Variants in SLC30A4 observed in about 807,000 individuals in gnomAD.
The protein encoded by SLC30A4 is probable proton-coupled zinc antiporter SLC30A4.
Under a neutral mutation model 41.7 loss-of-function variants are expected in SLC30A4, and 20 were observed. The observed-to-expected ratio is 0.48, with a 90% CI of 0.34 to 0.70. SLC30A4 has a LOEUF of 0.70. Among genes scored for constraint, SLC30A4 ranks in the 30% least tolerant of loss-of-function variants. SLC30A4 has a pLI of 0.01. For synonymous variants in SLC30A4, 181 were observed against 195.9 expected, an observed-to-expected ratio of 0.92 and a Z score of 0.64; for missense variants, 441 against 529.3, an observed-to-expected ratio of 0.83 and a Z score of 1.64.
rs921729500 is a variant in SLC30A4, at chr15:45,496,879, T to A, written c.539-5998A>T. ...TAAATAAATAAATAAATAAATAAAA[T>A]AAATAGGTGTGGTAGCACATGCCTA... is the stretch of plus-strand genomic sequence containing the variant. On this transcript the variant is annotated intron_variant, in intron 3 of 7. Transcript: ENST00000261867. 1.3e-3 allele frequency among the ~76,000 whole-genome samples: 177 copies of A among 132,420 alleles called. 2 individuals are homozygous for A. The highest frequency in any genetic ancestry group is 4.3e-3 in the African/African-American group (158 of 37,092). 86.9% of individuals were successfully genotyped at this position (132,420 alleles called of 152,430 possible). A position where few individuals can be genotyped will look rare whatever the true frequency, so the allele number is the denominator to read the frequency against.
At chr15:45,500,658 ATCTATATGTT>A (rs1892007764) in intron 3 of SLC30A4, among the ~76,000 whole-genome samples, 1 of 126,808 alleles carries the variant, frequency 7.9e-6, no homozygotes, top group Non-Finnish European at 1.7e-5. Flanking sequence ...CTATCTATCT[ATCTATATGTT>A]TTTGTTTTAT....
intron 3 of SLC30A4, among the ~76,000 whole-genome samples, chr15:45,504,083 C>T (rs1892099221): frequency 6.6e-6 from 1 of 152,158 alleles, no homozygotes; most frequent in Admixed American, 6.6e-5. Context: ...AAGTAATAGC[C>T]TCCAGAGTAA....
At position 45,500,487 on chromosome 15, in the gene SLC30A4, A is replaced by C. The variant is rs1270068185; in HGVS notation, c.539-9606T>G. ...GTAAGAACTAAAGCAAACAAATAGG[A>C]TCAGCCCCTCACTGAGATAAGGAAG... On this transcript the variant is annotated intron_variant, in intron 3 of 7. Transcript: ENST00000261867. Among the ~76,000 whole-genome samples, 3 of 152,282 alleles carry C rather than the reference A, an allele frequency of 2.0e-5. No homozygotes were observed. In the East Asian group the frequency reaches 5.8e-4, roughly 29 times the overall value.
rs562662799 is a variant in SLC30A4 at position 45,501,239 on chromosome 15, C to T, written c.538+9899G>A. The stretch of plus-strand genomic sequence containing the variant: ...AGGAGAATGGCGTGAACCTGGGAGG[C>T]GGAGCTTGCAGGGAGCCAAGATCGT... On this transcript the variant is annotated intron_variant, in intron 3 of 7. Coordinates refer to ENST00000261867, the MANE Select transcript of SLC30A4 (RefSeq NM_013309.6). 4.0e-5 allele frequency among the ~76,000 whole-genome samples: 6 copies of T among 151,610 alleles called. No individual in the cohort carries two copies. In the South Asian group the frequency reaches 6.3e-4, roughly 16 times the overall value.
chr15:45,521,361 GTAAT>G (rs1420409074), intron 2 of SLC30A4, among the ~76,000 whole-genome samples: 1 of 152,096 alleles, frequency 6.6e-6, no homozygotes, highest in Non-Finnish European at 1.5e-5. Context: ...ATGTTAGTTG[GTAAT>G]TAATTTTGCA....
chr15:45,489,680 T>G (rs1891774377), intron 4 of SLC30A4, among the ~76,000 whole-genome samples: 3 of 149,638 alleles, frequency 2.0e-5, no homozygotes, highest in Non-Finnish European at 3.0e-5. Context: ...AATGACGAGT[T>G]AATGGGTACA....
intron 3 of SLC30A4, among the ~76,000 whole-genome samples, chr15:45,493,043 G>T (rs561898279): frequency 5.9e-5 from 9 of 152,304 alleles, no homozygotes; most frequent in Admixed American, 5.9e-4. Flanking sequence ...AGACCAAGGC[G>T]GGCGGATCAC....
chr15:45,494,404 G>A (rs1891868534), intron 3 of SLC30A4, among the ~76,000 whole-genome samples: 1 of 152,178 alleles, frequency 6.6e-6, no homozygotes, highest in African/African-American at 2.4e-5. Flanking sequence ...CTGTAAAGAG[G>A]CTGGGTGCGG....
chr15:45,517,676 C>T (rs888160963), intron 2 of SLC30A4, among the ~76,000 whole-genome samples: 4 of 151,860 alleles, frequency 2.6e-5, no homozygotes, highest in Non-Finnish European at 4.4e-5. Flanking sequence ...TGGCCAGGCG[C>T]GGTGGCTCAC....
At chr15:45,508,232 TAAAA>T (rs1892200821) in intron 3 of SLC30A4, among the ~76,000 whole-genome samples, 1 of 152,192 alleles carries the variant, frequency 6.6e-6, no homozygotes, top group African/African-American at 2.4e-5. Context: ...TGAATTCTGG[TAAAA>T]GTAAGACTTA....
Position 45,511,137 on chromosome 15 carries a change from C to CCTA in SLC30A4, c.536_538dup (p.Leu179_Glu180insVal). On this transcript the variant is annotated inframe_insertion and splice_region_variant. Transcript: ENST00000261867. ...AAGCAAAAGAAACACCAACTACCTA[C>CCTA]CTAAGCGATGAAATCCAAAGGTGAA... 1 of 1,612,164 alleles carries CCTA rather than the reference C, an allele frequency of 6.2e-7. No individual in the cohort carries two copies. Among genetic ancestry groups the CCTA allele is most frequent in the Non-Finnish European group, 8.5e-7 (1 of 1,178,870 alleles).
chr15:45,511,644 C>T lies in SLC30A4; in HGVS notation c.392-360G>A, dbSNP rs186888742. Reference sequence around the variant, plus strand: ...GACTACAGGCACGTGCCACCACGCCCGGCTAATTTTTGTATTTTTAGTAGA... The same window carrying T: ...GACTACAGGCACGTGCCACCACGCCTGGCTAATTTTTGTATTTTTAGTAGA... On this transcript the variant is annotated intron_variant, in intron 2 of 7. Transcript: ENST00000261867. Among the ~76,000 whole-genome samples, 419 of 152,176 alleles carry T rather than the reference C, an allele frequency of 2.8e-3. 4 individuals carry two copies. Among genetic ancestry groups the T allele is most frequent in the African/African-American group, 9.7e-3 (402 of 41,532 alleles).
Position 45,481,451 on chromosome 15 carries a change from T to C in SLC30A4, c.*3712A>G, listed in dbSNP as rs775057853. On this transcript the variant is annotated 3_prime_UTR_variant, in exon 8 of 8. Transcript: ENST00000261867. ...CAGACCAAAAGGTTGCATCTGGCCA[T>C]AGTTGTGAAACACACGTTTATGTAC... 8 of 152,234 alleles carry C rather than the reference T, an allele frequency of 5.3e-5. No homozygotes were observed. Among genetic ancestry groups the C allele is most frequent in the South Asian group, 2.1e-4 (1 of 4,836 alleles). 9.4% of individuals were successfully genotyped at this position (152,234 alleles called of 1,614,324 possible).
At chr15:45,491,229 A>T (rs1891803956) in intron 3 of SLC30A4, among the ~76,000 whole-genome samples, 1 of 152,148 alleles carries the variant, frequency 6.6e-6, no homozygotes, top group Non-Finnish European at 1.5e-5. Flanking sequence ...CTTACAGAAA[A>T]AAAAAGTGGT....
At position 45,496,504 on chromosome 15, in the gene SLC30A4, A is replaced by G. The variant is rs137990256; in HGVS notation, c.539-5623T>C. ...TAAAAGAGACTCAGGAACTTTCACAATTAAAATTCTGGATTTCTGTGAAAG... is the reference window on the plus strand; with the variant it reads ...TAAAAGAGACTCAGGAACTTTCACAGTTAAAATTCTGGATTTCTGTGAAAG... On this transcript the variant is annotated intron_variant, in intron 3 of 7. Transcript: ENST00000261867. 7.4e-3 allele frequency among the ~76,000 whole-genome samples: 1,131 copies of G among 152,292 alleles called. 12 individuals carry two copies. Among genetic ancestry groups the G allele is most frequent in the Non-Finnish European group, 0.01 (712 of 68,034 alleles).
Position 45,485,058 on chromosome 15 carries a change from G to T in SLC30A4, c.*105C>A. On this transcript the variant is annotated 3_prime_UTR_variant, in exon 8 of 8. Coordinates refer to ENST00000261867, the MANE Select transcript of SLC30A4 (RefSeq NM_013309.6). ...GTTTGAGAGACTGATGCTTGATACG[G>T]ACACAGCTGTCAGGGATTCCATTTT... 1 of 827,436 alleles carries T rather than the reference G, an allele frequency of 1.2e-6. No homozygotes were observed. The highest frequency in any genetic ancestry group is 1.9e-6 in the Non-Finnish European group (1 of 524,138). The allele number at this position is 827,436 out of a possible 1,614,324, so 51.3% of individuals were successfully genotyped here. A position where few individuals can be genotyped will look rare whatever the true frequency, so the allele number is the denominator to read the frequency against.
intron 3 of SLC30A4, among the ~76,000 whole-genome samples, chr15:45,498,524 A>C (rs908904722): frequency 6.6e-6 from 1 of 152,152 alleles, no homozygotes; most frequent in Non-Finnish European, 1.5e-5. Flanking sequence ...CAGAATGGCA[A>C]GCTAAACTCC....
At chr15:45,486,809 C>T (rs1047375509) in intron 6 of SLC30A4, 64 bp from the exon 7 acceptor site, 3 of 916,686 alleles carry the variant, frequency 3.3e-6, no homozygotes, top group East Asian at 2.8e-5. Flanking sequence ...TTTACATTAC[C>T]GATGACATTT....
At chr15:45,487,967 G>C in intron 5 of SLC30A4, among the ~76,000 whole-genome samples, 1 of 117,878 alleles carries the variant, frequency 8.5e-6, no homozygotes, top group South Asian at 2.5e-4. Context: ...AAAAGTGTGT[G>C]TGTGTGTGTG....
Sources: gnomAD v4.1 joint callset for allele counts (sites outside exome capture counted in the v4.1 genomes callset) on GRCh38, gnomAD v4.1.1 for gene constraint, MANE v1.5 for transcripts, NCBI Gene and HGNC (gene_info 2026-07-23, HGNC 2026-07-21) for gene names.